The following SLC29A3 variants were observed in gnomAD, a reference collection of about 807,000 sequenced individuals.
SLC29A3 encodes equilibrative nucleoside transporter 3.
In SLC29A3, 18 loss-of-function variants were observed where a neutral mutation model predicts 25.4. The ratio of observed to expected loss-of-function variants is 0.71; its 90% CI spans 0.49 to 1.05. The LOEUF (loss-of-function observed/expected upper bound fraction) is 1.05. Among genes scored for constraint, SLC29A3 ranks in the 50% least tolerant of loss-of-function variants. The pLI is 0.00. For synonymous variants in SLC29A3, 258 were observed against 267.1 expected, an observed-to-expected ratio of 0.97 and a Z score of 0.33; for missense variants, 586 against 609.0, an observed-to-expected ratio of 0.96 and a Z score of 0.40.
intron 2 of SLC29A3, among the ~76,000 whole-genome samples, chr10:71,332,182 T>G (rs1335759405): frequency 6.7e-6 from 1 of 150,352 alleles, no homozygotes; most frequent in East Asian, 1.9e-4. Flanking sequence ...ACATTCTTAT[T>G]GTATCGCCGA....
intron 3 of SLC29A3, among the ~76,000 whole-genome samples, chr10:71,347,308 C>T (rs1048172565): frequency 5.3e-5 from 8 of 152,146 alleles, no homozygotes; most frequent in African/African-American, 1.9e-4. Flanking sequence ...GTCCTGAGCC[C>T]TCACGAGTCA....
At chr10:71,351,346 C>T (rs1368281562) in intron 3 of SLC29A3, among the ~76,000 whole-genome samples, 1 of 152,222 alleles carries the variant, frequency 6.6e-6, no homozygotes, top group Non-Finnish European at 1.5e-5. Context: ...CCCCATTGTA[C>T]AAGTTCAAAA....
intron 5 of SLC29A3, among the ~76,000 whole-genome samples, chr10:71,361,257 G>C (rs1200049244): frequency 6.6e-6 from 1 of 152,090 alleles, no homozygotes; most frequent in African/African-American, 2.4e-5. Context: ...TCCTGCCTCA[G>C]CCTCCCCAGT....
chr10:71,350,716 G>A (rs1335263902), intron 3 of SLC29A3, among the ~76,000 whole-genome samples: 2 of 152,156 alleles, frequency 1.3e-5, no homozygotes, highest in African/African-American at 4.8e-5. Context: ...CATCACAGGA[G>A]GATGCCCCTG....
At chr10:71,371,154 A>G (rs1352088723) in intron 3 of SLC29A3, among the ~76,000 whole-genome samples, 1 of 152,190 alleles carries the variant, frequency 6.6e-6, no homozygotes, top group African/African-American at 2.4e-5. Flanking sequence ...TGATCCATCA[A>G]GCACTAGGTC....
chr10:71,351,579 G>A lies in SLC29A3; in HGVS notation c.401G>A (p.Arg134His), dbSNP rs761175955. The A allele has an allele frequency of 1.2e-5, 19 of 1,614,088 alleles. No individual in the cohort carries two copies. The highest frequency in any genetic ancestry group is 3.3e-5 in the South Asian group (3 of 91,088). ...LLVNRVAVHI[R>H]VLASLTVILA... is the part of the protein sequence containing the mutation. ...CGCCCCAGGGTTGCAGTCCACATCCGTGTCCTGGCCTCACTGACGGTCATC... is the reference window on the plus strand; with the variant it reads ...CGCCCCAGGGTTGCAGTCCACATCCATGTCCTGGCCTCACTGACGGTCATC... Residue 134 changes from arginine to histidine, a missense_variant, in exon 4 of 6, where the codon CGT becomes CAT. Arg to His is a conservative substitution (Grantham distance 29, BLOSUM62 0). Transcript: ENST00000373189.
chr10:71,327,123 T>G (rs1845990024), intron 2 of SLC29A3, among the ~76,000 whole-genome samples: 4 of 152,228 alleles, frequency 2.6e-5, no homozygotes, highest in Admixed American at 1.3e-4. Context: ...TAGATGTTTA[T>G]TCTTTCCTGT....
intron 4 of SLC29A3, among the ~76,000 whole-genome samples, chr10:71,378,890 A>G (rs1335666716): frequency 1.3e-5 from 2 of 152,194 alleles, no homozygotes; most frequent in African/African-American, 4.8e-5. Flanking sequence ...CACTTCTAAT[A>G]AACGACTTGC....
At chr10:71,340,589 C>G (rs932894771) in intron 2 of SLC29A3, among the ~76,000 whole-genome samples, 1 of 152,168 alleles carries the variant, frequency 6.6e-6, no homozygotes, top group Non-Finnish European at 1.5e-5. Context: ...TGAACGATCC[C>G]CAAACACTGC....
chr10:71,373,530 G>A (rs541934101), intron 3 of SLC29A3, among the ~76,000 whole-genome samples: 12 of 152,216 alleles, frequency 7.9e-5, no homozygotes, highest in Non-Finnish European at 1.2e-4. Context: ...ATCCTCATCC[G>A]TAAAATGGAG....
chr10:71,356,121 G>A lies in SLC29A3; in HGVS notation c.651G>A (p.Leu217=), dbSNP rs1231640786. The change falls in exon 5 of 6, where the codon TTG becomes TTA. Residue 217 remains leucine, a synonymous_variant. Transcript: ENST00000373189. ...GGACGGTCAGCGCCGTGGCCTCATTGGTGGACTTGGCTGCATCCAGTGATG... is the reference window on the plus strand; with the variant it reads ...GGACGGTCAGCGCCGTGGCCTCATTAGTGGACTTGGCTGCATCCAGTGATG... ...MGGTVSAVAS[L]VDLAASSDVR... 6.2e-7 allele frequency: 1 copy of A among 1,614,164 alleles called. No individual in the cohort carries two copies. Among genetic ancestry groups the A allele is most frequent in the East Asian group, 2.2e-5 (1 of 44,876 alleles).
intron 1 of SLC29A3, among the ~76,000 whole-genome samples, chr10:71,320,073 G>T (rs993177001): frequency 2.0e-5 from 3 of 152,182 alleles, no homozygotes; most frequent in African/African-American, 7.2e-5. Context: ...GCTCACTCCA[G>T]TGCCCTGGCC....
rs748015404 is a variant in SLC29A3 at position 71,362,493 on chromosome 10, C to G, written c.1313C>G (p.Pro438Arg). Residue 438 changes from proline (P) to arginine (R), a missense_variant, in exon 6 of 6, where the codon CCT (proline) becomes CGT (arginine). Pro to Arg is a moderately radical substitution (Grantham distance 103). Transcript: ENST00000373189. ...YLSTLALLYG[P>R]KIVPRELAEA... Reference sequence around the variant, plus strand: ...AGCACCCTGGCCCTCCTCTACGGGCCTAAGATTGTGCCCAGGGAGCTGGCT... The same window carrying G: ...AGCACCCTGGCCCTCCTCTACGGGCGTAAGATTGTGCCCAGGGAGCTGGCT... 3 of 1,614,206 alleles carry G rather than the reference C, an allele frequency of 1.9e-6. No individual in the cohort carries two copies. The highest frequency in any genetic ancestry group is 2.5e-6 in the Non-Finnish European group (3 of 1,180,050).
downstream of SLC29A3, among the ~76,000 whole-genome samples, chr10:71,366,702 G>A (rs1847173274): frequency 6.6e-6 from 1 of 152,164 alleles, no homozygotes; most frequent in Non-Finnish European, 1.5e-5. Context: ...GGTGATGTGG[G>A]CGCTTAACTT....
At chr10:71,319,409 G>A in intron 1 of SLC29A3, 99 bp downstream of exon 1, 1 of 533,650 alleles carries the variant, frequency 1.9e-6, no homozygotes, top group Non-Finnish European at 3.3e-6. Flanking sequence ...GCGGCTGCGG[G>A]CTGCCAGGGG....
intron 2 of SLC29A3, among the ~76,000 whole-genome samples, chr10:71,338,390 G>A (rs905656246): frequency 6.6e-6 from 1 of 152,122 alleles, no homozygotes; most frequent in African/African-American, 2.4e-5. Context: ...GGGAATGGGC[G>A]GTGGGATTTG....
intron 3 of SLC29A3, among the ~76,000 whole-genome samples, chr10:71,347,663 A>G (rs1261677915): frequency 6.6e-6 from 1 of 152,216 alleles, no homozygotes; most frequent in Non-Finnish European, 1.5e-5. Context: ...GCTCTGGGCA[A>G]GAGTGGTTTA....
chr10:71,331,093 G>A (rs1025173940), intron 2 of SLC29A3, among the ~76,000 whole-genome samples: 4 of 152,064 alleles, frequency 2.6e-5, no homozygotes, highest in Non-Finnish European at 5.9e-5. Flanking sequence ...CAAGATATTT[G>A]TGTCTATAAT....
intron 3 of SLC29A3, among the ~76,000 whole-genome samples, chr10:71,373,002 T>A (rs1847222951): frequency 6.6e-6 from 1 of 152,096 alleles, no homozygotes; most frequent in African/African-American, 2.4e-5. Context: ...TCTCACCCCC[T>A]CGCAGGCATT....
Sources: allele counts gnomAD v4.1 joint callset (sites outside exome capture counted in the v4.1 genomes callset), GRCh38; gene constraint gnomAD v4.1.1; transcripts MANE v1.5; gene names NCBI Gene and HGNC (gene_info 2026-07-23, HGNC 2026-07-21).